Variants in KCNIP4 observed in about 807,000 individuals in gnomAD.
The protein encoded by KCNIP4 is potassium voltage-gated channel interacting protein 4.
KCNIP4 carries 12 observed loss-of-function variants against 34.0 expected under a neutral mutation model. The ratio of observed to expected loss-of-function variants is 0.35; its 90% CI spans 0.23 to 0.57. The LOEUF is 0.57. KCNIP4 is among the 20% of genes least tolerant of loss of function. The pLI is 0.83. For synonymous variants in KCNIP4, 124 were observed against 102.2 expected (o/e 1.21, Z -1.29); for missense variants, 238 against 311.7 (o/e 0.76, Z 1.78).
intron 1 of KCNIP4, among the ~76,000 whole-genome samples, chr4:20,928,701 T>C (rs1730141579): frequency 6.6e-6 from 1 of 151,772 alleles, no homozygotes; most frequent in African/African-American, 2.4e-5. Flanking sequence ...GTAAACAAAA[T>C]TCACAAACTC....
At chr4:21,219,044 A>C in intron 1 of KCNIP4, among the ~76,000 whole-genome samples, 1 of 152,138 alleles carries the variant, frequency 6.6e-6, no homozygotes, top group East Asian at 1.9e-4. Flanking sequence ...AAATTGATAA[A>C]ATTCATTGGT....
At chr4:21,076,697 G>A (rs1238319077) in intron 1 of KCNIP4, among the ~76,000 whole-genome samples, 1 of 151,452 alleles carries the variant, frequency 6.6e-6, no homozygotes, top group African/African-American at 2.5e-5. Context: ...ATACACCTGG[G>A]CAGCTATGAG....
At chr4:21,566,471 C>G (rs975752270) in intron 1 of KCNIP4, among the ~76,000 whole-genome samples, 26 of 152,078 alleles carry the variant, frequency 1.7e-4, no homozygotes, top group African/African-American at 5.6e-4. Context: ...AGCACCTCCC[C>G]CTTCGCTCTC....
At chr4:20,902,427 TAGCACCATCCTGGC>T (rs1452554464) in intron 1 of KCNIP4, among the ~76,000 whole-genome samples, 1 of 152,112 alleles carries the variant, frequency 6.6e-6, no homozygotes, top group Non-Finnish European at 1.5e-5. Context: ...TTTAGTTCTC[TAGCACCATCCTGGC>T]AGCACCATAC....
intron 1 of KCNIP4, among the ~76,000 whole-genome samples, chr4:21,204,675 A>C (rs1756722480): frequency 6.6e-6 from 1 of 152,224 alleles, no homozygotes; most frequent in African/African-American, 2.4e-5. Flanking sequence ...TTAGATTTCA[A>C]GGTTTTAAAT....
chr4:20,878,763 A>G (rs1724352506), intron 2 of KCNIP4, among the ~76,000 whole-genome samples: 1 of 152,210 alleles, frequency 6.6e-6, no homozygotes, highest in African/African-American at 2.4e-5. Flanking sequence ...CACAACAGGA[A>G]TTCAAACACA....
chr4:21,821,582 C>T (rs907411193), intron 1 of KCNIP4, among the ~76,000 whole-genome samples: 2 of 152,046 alleles, frequency 1.3e-5, no homozygotes, highest in Non-Finnish European at 2.9e-5. Flanking sequence ...CCTGAGAATA[C>T]ATATTATGAA....
At chr4:20,748,526 C>T (rs1229597515) in intron 5 of KCNIP4, among the ~76,000 whole-genome samples, 1 of 142,034 alleles carries the variant, frequency 7.0e-6, no homozygotes, top group Non-Finnish European at 1.5e-5. Flanking sequence ...ATGCATCCTT[C>T]CTCACTTCCA....
intron 1 of KCNIP4, among the ~76,000 whole-genome samples, chr4:20,923,927 G>T (rs184880997): frequency 1.3e-4 from 19 of 151,940 alleles, no homozygotes; most frequent in African/African-American, 2.2e-4. Flanking sequence ...GTGGTGGCTT[G>T]TCATGTACTC....
intron 1 of KCNIP4, among the ~76,000 whole-genome samples, chr4:21,372,201 T>C (rs1720510890): frequency 6.8e-6 from 1 of 147,352 alleles, no homozygotes; most frequent in South Asian, 2.1e-4. Context: ...GGCCAAATTA[T>C]AAATAGAGTC....
At chr4:20,948,438 A>G (rs539799733) in intron 1 of KCNIP4, among the ~76,000 whole-genome samples, 17 of 152,222 alleles carry the variant, frequency 1.1e-4, no homozygotes, top group African/African-American at 3.6e-4. Flanking sequence ...CTCTGCTCCT[A>G]TCTTTCCAGC....
At chr4:20,846,237 G>A (rs963505230) in intron 3 of KCNIP4, among the ~76,000 whole-genome samples, 3 of 152,168 alleles carry the variant, frequency 2.0e-5, no homozygotes, top group African/African-American at 4.8e-5. Context: ...GAAGGAACCA[G>A]CTGTCTGAAG....
Position 21,192,952 on chromosome 4 carries a change from C to CTACTACTACTACTAATAA in KCNIP4, c.62-310244_62-310243insTTATTAGTAGTAGTAGTA, listed in dbSNP as rs757200407. 2.1e-5 allele frequency among the ~76,000 whole-genome samples: 3 copies of CTACTACTACTACTAATAA among 145,100 alleles called. No individual in the cohort carries two copies. In the Admixed American group the frequency reaches 2.1e-4, roughly 10 times the overall value. ...ACTACTACTACTACTACTACTACTA[C>CTACTACTACTACTAATAA]TAATAATAATAATAATTAGTTGGGT... On this transcript the variant is annotated intron_variant, in intron 1 of 8. Coordinates refer to ENST00000382152, the MANE Select transcript of KCNIP4 (RefSeq NM_025221.6).
intron 1 of KCNIP4, among the ~76,000 whole-genome samples, chr4:20,992,185 C>T (rs61494112): frequency 0.2 from 30,632 of 152,186 alleles, 3,467 homozygotes; most frequent in Middle Eastern, 0.36. Flanking sequence ...ACTCACACTT[C>T]CTCATTGCTG....
intron 1 of KCNIP4, among the ~76,000 whole-genome samples, chr4:21,538,989 G>A (rs1416237300): frequency 6.6e-6 from 1 of 152,128 alleles, no homozygotes; most frequent in African/African-American, 2.4e-5. Context: ...CTGTTCTCCT[G>A]ACGGTGAATG....
intron 1 of KCNIP4, among the ~76,000 whole-genome samples, chr4:21,607,935 G>C (rs1313927143): frequency 2.6e-5 from 4 of 152,064 alleles, no homozygotes; most frequent in Non-Finnish European, 4.4e-5. Flanking sequence ...CTGAGAACTG[G>C]GGAGCTGAGA....
At chr4:21,760,185 G>T (rs1478706697) in intron 1 of KCNIP4, among the ~76,000 whole-genome samples, 1 of 151,946 alleles carries the variant, frequency 6.6e-6, no homozygotes, top group East Asian at 1.9e-4. Context: ...TCCCCTCAAA[G>T]CTTCCTTTCT....
chr4:21,635,933 C>T (rs370121395), intron 1 of KCNIP4, among the ~76,000 whole-genome samples: 6 of 151,732 alleles, frequency 4.0e-5, no homozygotes, highest in Admixed American at 2.6e-4. Flanking sequence ...ATGTGGCACA[C>T]ATACACCATG....
At chr4:21,435,240 C>T (rs1028881042) in intron 1 of KCNIP4, among the ~76,000 whole-genome samples, 4 of 152,062 alleles carry the variant, frequency 2.6e-5, no homozygotes, top group East Asian at 3.9e-4. Flanking sequence ...TAGAGACATG[C>T]GGACACGTGA....
Sources: gnomAD v4.1 joint callset for allele counts (sites outside exome capture counted in the v4.1 genomes callset) on GRCh38, gnomAD v4.1.1 for gene constraint, MANE v1.5 for transcripts, NCBI Gene and HGNC (gene_info 2026-07-23, HGNC 2026-07-21) for gene names.